Variants in MDGA2 observed in about 807,000 individuals in gnomAD.
MDGA2 encodes MAM domain-containing glycosylphosphatidylinositol anchor protein 2.
In MDGA2, 40 loss-of-function variants were observed where a neutral mutation model predicts 117.8. That is an observed-to-expected ratio of 0.34 (90% CI 0.26 to 0.44). The LOEUF is 0.44. MDGA2 is among the 20% of genes least tolerant of loss of function. MDGA2 has a pLI of 1.00. For synonymous variants in MDGA2, 452 were observed against 439.0 expected (o/e 1.03, Z -0.37); for missense variants, 1,123 against 1,250.6 (o/e 0.90, Z 1.54).
intron 8 of MDGA2, among the ~76,000 whole-genome samples, chr14:46,992,678 C>T (rs866629326): frequency 1.1e-4 from 16 of 152,098 alleles, no homozygotes; most frequent in African/African-American, 2.7e-4. Context: ...TTGATAGAGA[C>T]CGGAGTTCTC....
At chr14:46,900,120 T>C (rs1037696293) in intron 10 of MDGA2, among the ~76,000 whole-genome samples, 3 of 152,062 alleles carry the variant, frequency 2.0e-5, no homozygotes, top group Admixed American at 1.3e-4. Flanking sequence ...ATCTGAAATA[T>C]CATCGGGCAT....
intron 1 of MDGA2, among the ~76,000 whole-genome samples, chr14:47,389,590 ACACACACACACACACC>A (rs1480803686): frequency 2.6e-3 from 153 of 59,462 alleles, no homozygotes; most frequent in African/African-American, 6.4e-3. Context: ...TTGCAGGAAA[ACACACACACACACACC>A]CACACACACA....
chr14:47,050,818 G>A (rs1368202593), intron 7 of MDGA2, among the ~76,000 whole-genome samples: 1 of 151,938 alleles, frequency 6.6e-6, no homozygotes, highest in African/African-American at 2.4e-5. Flanking sequence ...GCATTGGTGA[G>A]AATAAGTAAG....
intron 1 of MDGA2, among the ~76,000 whole-genome samples, chr14:47,602,457 CT>C (rs894012116): frequency 2.9e-4 from 43 of 147,702 alleles, no homozygotes; most frequent in African/African-American, 1.0e-3. Context: ...AGCTCTGAAG[CT>C]CTTTATTTAA....
At chr14:47,330,548 A>G (rs557831469) in intron 1 of MDGA2, among the ~76,000 whole-genome samples, 2 of 152,042 alleles carry the variant, frequency 1.3e-5, no homozygotes, top group South Asian at 2.1e-4. Context: ...TGTGTCTTCA[A>G]AAAGAGAGGT....
At chr14:47,588,229 G>GATATATATAT (rs1243073183) in intron 1 of MDGA2, among the ~76,000 whole-genome samples, 389 of 99,200 alleles carry the variant, frequency 3.9e-3, no homozygotes, top group Middle Eastern at 5.4e-3. Context: ...ATCTCTTGGA[G>GATATATATAT]ATAGATAGAT....
chr14:47,142,920 G>T lies in MDGA2; in HGVS notation c.792+1158C>A, dbSNP rs1882785832. 3.3e-5 allele frequency among the ~76,000 whole-genome samples: 5 copies of T among 152,102 alleles called. 1 individual carries two copies. The highest frequency in any genetic ancestry group is 3.3e-4 in the Admixed American group (5 of 15,258). On this transcript the variant is annotated intron_variant, in intron 4 of 16. Transcript: ENST00000399232. ...TGTTCTATACCTTTTAAAAAATAAAGAATACATATTTTAATTTACAATCTA... is the reference window on the plus strand; with the variant it reads ...TGTTCTATACCTTTTAAAAAATAAATAATACATATTTTAATTTACAATCTA...
chr14:47,666,986 C>T (rs1020090117), intron 1 of MDGA2, among the ~76,000 whole-genome samples: 2 of 152,076 alleles, frequency 1.3e-5, no homozygotes, highest in African/African-American at 2.4e-5. Context: ...GAAAAAACTC[C>T]GAACACATCC....
At chr14:47,640,113 T>C (rs1167544883) in intron 1 of MDGA2, among the ~76,000 whole-genome samples, 2 of 152,196 alleles carry the variant, frequency 1.3e-5, no homozygotes, top group Non-Finnish European at 2.9e-5. Context: ...TCTTCGCACA[T>C]TTAATGCACA....
chr14:47,444,159 T>C (rs1010395329), intron 1 of MDGA2: 22 of 221,546 alleles, frequency 9.9e-5, no homozygotes, highest in Admixed American at 9.2e-4. Flanking sequence ...TCTTGCTCCT[T>C]TGTGGTCCAT....
chr14:47,013,772 G>GTATGTATATATATA (rs1555343312), intron 8 of MDGA2, among the ~76,000 whole-genome samples: 5 of 93,706 alleles, frequency 5.3e-5, no homozygotes, highest in African/African-American at 7.2e-5. Flanking sequence ...TAATTTCCTT[G>GTATGTATATATATA]TATATATATA....
chr14:47,287,608 G>A (rs913528375), intron 2 of MDGA2, among the ~76,000 whole-genome samples: 1 of 151,982 alleles, frequency 6.6e-6, no homozygotes, highest in East Asian at 1.9e-4. Context: ...TCACAATGCT[G>A]TACAATAGAC....
intron 10 of MDGA2, among the ~76,000 whole-genome samples, chr14:46,912,332 G>C (rs995469588): frequency 6.6e-6 from 1 of 152,006 alleles, no homozygotes; most frequent in Non-Finnish European, 1.5e-5. Context: ...CCTGCAGTTC[G>C]TTTTTGCTGG....
intron 1 of MDGA2, among the ~76,000 whole-genome samples, chr14:47,434,950 A>C (rs986157507): frequency 6.6e-6 from 1 of 152,198 alleles, no homozygotes; most frequent in African/African-American, 2.4e-5. Context: ...AGCCTGACCA[A>C]CATGGGGAAA....
intron 1 of MDGA2, among the ~76,000 whole-genome samples, chr14:47,350,503 A>G (rs1337935721): frequency 1.3e-5 from 2 of 152,202 alleles, no homozygotes; most frequent in Non-Finnish European, 2.9e-5. Flanking sequence ...ATGAAATTCT[A>G]AATATACAAA....
intron 1 of MDGA2, among the ~76,000 whole-genome samples, chr14:47,380,081 C>T (rs1048075017): frequency 1.3e-5 from 2 of 152,168 alleles, no homozygotes; most frequent in South Asian, 4.1e-4. Context: ...CTCAAAACTG[C>T]TCAACTACAT....
chr14:47,592,942 GAACA>G (rs956366131), intron 1 of MDGA2, among the ~76,000 whole-genome samples: 16 of 152,208 alleles, frequency 1.1e-4, no homozygotes, highest in African/African-American at 2.6e-4. Flanking sequence ...TCACTGGAGT[GAACA>G]AACAATCTAT....
intron 3 of MDGA2, among the ~76,000 whole-genome samples, chr14:47,205,318 T>A (rs1885645342): frequency 6.6e-6 from 1 of 151,998 alleles, no homozygotes; most frequent in Non-Finnish European, 1.5e-5. Flanking sequence ...CATCTCTTCC[T>A]TGTGCTTATG....
rs374048395 is a variant in MDGA2, at chr14:47,397,640, G to T, written c.281-96090C>A. The stretch of plus-strand genomic sequence containing the variant: ...ATTTTCTTTTCTTTATAGATCAATA[G>T]ATAAGTATCTTTATAAATAGATTAT... On this transcript the variant is annotated intron_variant, in intron 1 of 16. Transcript: ENST00000399232. Among the ~76,000 whole-genome samples, 16 of 152,232 alleles carry T rather than the reference G, an allele frequency of 1.1e-4. No homozygotes were observed. The South Asian group carries it at 3.3e-3, about 32-fold the overall frequency.
Sources: gnomAD v4.1 joint callset for allele counts (sites outside exome capture counted in the v4.1 genomes callset) on GRCh38, gnomAD v4.1.1 for gene constraint, MANE v1.5 for transcripts, NCBI Gene and HGNC (gene_info 2026-07-23, HGNC 2026-07-21) for gene names.